HELLS: variants seen among roughly 807,000 people sequenced by gnomAD.
The protein encoded by HELLS is helicase, lymphoid specific.
HELLS carries 32 observed loss-of-function variants against 120.0 expected under a neutral mutation model. That is an observed-to-expected ratio of 0.27 (90% CI 0.20 to 0.36). The LOEUF (loss-of-function observed/expected upper bound fraction) is 0.36. HELLS is among the 10% of genes least tolerant of loss of function. The pLI, the probability that HELLS is intolerant of heterozygous loss-of-function variation, is 1.00. For missense variants in HELLS, 650 were observed against 993.4 expected (o/e 0.65, Z 4.65); for synonymous variants, 341 against 323.4 (o/e 1.05, Z -0.58).
intron 7 of HELLS, among the ~76,000 whole-genome samples, chr10:94,573,192 T>A (rs1844264428): frequency 6.6e-6 from 1 of 152,178 alleles, no homozygotes. Context: ...TCACTTGACC[T>A]CATGATCTGC....
chr10:94,562,480 G>C (rs1471980389), intron 4 of HELLS, among the ~76,000 whole-genome samples: 1 of 152,106 alleles, frequency 6.6e-6, no homozygotes, highest in Non-Finnish European at 1.5e-5. Flanking sequence ...ATGGACAGAA[G>C]TAGAGCCCTT....
chr10:94,597,043 A>G lies in HELLS; in HGVS notation c.2354A>G (p.Lys785Arg). ...LKSRDYEREI[K>R]GSREKVISDK... ...TATTTTGTTTTCTATAGGGAAATAA[A>G]AGGATCAAGAGAGAAGGTCATTAGT... is the stretch of plus-strand genomic sequence containing the variant. Residue 785 changes from lysine to arginine, a missense_variant, in exon 21 of 22, where the codon AAA (lysine) becomes AGA (arginine). Lys to Arg is a conservative substitution (Grantham distance 26). Coordinates refer to ENST00000348459, the MANE Select transcript of HELLS (RefSeq NM_018063.5). 2 of 1,583,572 alleles carry G rather than the reference A, an allele frequency of 1.3e-6. No homozygotes were observed. Among genetic ancestry groups the G allele is most frequent in the Middle Eastern group, 1.7e-4 (1 of 5,986 alleles).
rs768738765 is a variant in HELLS at position 94,554,139 on chromosome 10, G to C, written c.167G>C (p.Trp56Ser). 3.2e-6 allele frequency: 5 copies of C among 1,576,836 alleles called. No homozygotes were observed. The highest frequency in any genetic ancestry group is 1.2e-5 in the South Asian group (1 of 82,700). ...RKMLEKARMS[W>S]DRESTEIRYR... ...CTCTTTGGATAGGCTCGCATGTCTT[G>C]GGATAGAGAGTCGACAGAAATTCGG... The change falls in exon 3 of 22, where the codon TGG becomes TCG. Residue 56 changes from tryptophan (W) to serine (S), a missense_variant. Coordinates refer to ENST00000348459, the MANE Select transcript of HELLS (RefSeq NM_018063.5).
intron 4 of HELLS, among the ~76,000 whole-genome samples, chr10:94,561,447 A>T (rs527705048): frequency 1.3e-5 from 2 of 151,564 alleles, no homozygotes; most frequent in Non-Finnish European, 2.9e-5. Context: ...TGCTTTTTTC[A>T]TAAGGGCGTC....
chr10:94,611,880 G>A (rs1224208528), exon 10 of HELLS: 3 of 152,132 alleles, frequency 2.0e-5, no homozygotes, highest in Non-Finnish European at 4.4e-5. Context: ...GTCCCAACTT[G>A]GGTAAGGCAA....
downstream of HELLS, among the ~76,000 whole-genome samples, chr10:94,604,895 C>T (rs546161159): frequency 2.0e-5 from 3 of 152,150 alleles, no homozygotes; most frequent in South Asian, 6.2e-4. Flanking sequence ...AAACAGATCT[C>T]ATGATTCAGT....
At chr10:94,599,991 T>C (rs994413577) in intron 21 of HELLS, among the ~76,000 whole-genome samples, 8 of 152,162 alleles carry the variant, frequency 5.3e-5, no homozygotes, top group African/African-American at 1.9e-4. Flanking sequence ...TTTCTTCTAA[T>C]TAAAATCCCA....
chr10:94,607,269 A>T (rs113499750), intron 8 of HELLS, among the ~76,000 whole-genome samples: 1 of 151,906 alleles, frequency 6.6e-6, no homozygotes, highest in Non-Finnish European at 1.5e-5. Flanking sequence ...TCTAACACTG[A>T]TACTTTCATT....
intron 12 of HELLS, among the ~76,000 whole-genome samples, chr10:94,585,320 CCTTT>C (rs1426323592): frequency 6.7e-6 from 1 of 149,508 alleles, no homozygotes; most frequent in African/African-American, 2.5e-5. Context: ...TTCTGCACTT[CCTTT>C]CTTATCTCCA....
chr10:94,598,320 G>A (rs1348050078), intron 21 of HELLS, among the ~76,000 whole-genome samples: 1 of 152,134 alleles, frequency 6.6e-6, no homozygotes, highest in African/African-American at 2.4e-5. Flanking sequence ...ACAAAAAAGG[G>A]TCTTGCTTTG....
chr10:94,583,336 T>A (rs1258215715), intron 12 of HELLS, among the ~76,000 whole-genome samples: 1 of 152,178 alleles, frequency 6.6e-6, no homozygotes, highest in Non-Finnish European at 1.5e-5. Flanking sequence ...AGTATGTGGT[T>A]TTTATGGAAT....
At chr10:94,604,267 AGT>A (rs1382244389), downstream of HELLS, among the ~76,000 whole-genome samples, 3 of 150,762 alleles carry the variant, frequency 2.0e-5, no homozygotes, top group East Asian at 5.9e-4. Flanking sequence ...TGGGACTAGA[AGT>A]GTGCGCCACC....
chr10:94,553,941 A>G (rs1269012495), intron 2 of HELLS, among the ~76,000 whole-genome samples, 185 bp from the exon 3 acceptor site: 1 of 152,130 alleles, frequency 6.6e-6, no homozygotes, highest in Non-Finnish European at 1.5e-5. Context: ...TACGAATTGC[A>G]TCTATCAGAT....
In HELLS at chr10:94,588,339, T is replaced by C. The variant is rs752305669; in HGVS notation, c.1437T>C (p.Phe479=). The C allele has an allele frequency of 6.2e-7, 1 of 1,612,984 alleles. No homozygotes were observed. The highest frequency in any genetic ancestry group is 8.5e-7 in the Non-Finnish European group (1 of 1,179,422). ...YAPLSKKQEI[F]YTAIVNRTIA... ...CACTTTCAAAGAAGCAGGAGATCTT[T>C]TATACAGCCATTGTGAACCGTACAA... The change falls in exon 13 of 22, where the codon TTT becomes TTC. Residue 479 remains phenylalanine (F), a synonymous_variant. Transcript: ENST00000348459.
chr10:94,545,992 C>G (rs1287592260), intron 1 of HELLS, 40 bp downstream of exon 1: 1 of 1,551,568 alleles, frequency 6.4e-7, no homozygotes, highest in Non-Finnish European at 8.7e-7. Context: ...TGGCAGCCTG[C>G]GGGGCTGAGG....
At chr10:94,558,837 G>C (rs1215420961) in intron 4 of HELLS, among the ~76,000 whole-genome samples, 5 of 152,124 alleles carry the variant, frequency 3.3e-5, no homozygotes, top group Admixed American at 1.3e-4. Flanking sequence ...TCCTGACCTT[G>C]TGATCTGCCC....
chr10:94,601,566 G>A lies in HELLS; in HGVS notation c.2461G>A (p.Gly821Arg), dbSNP rs1397683557. ...NASGPIKEKM[G>R]IFKILENSED... ...TTCAGGACCAATTAAAGAGAAGATG[G>A]GGATATTCAAGATATTAGAAAATTC... is the stretch of plus-strand genomic sequence containing the variant. The change falls in exon 22 of 22, where the codon GGG becomes AGG. Residue 821 changes from glycine (G) to arginine (R), a missense_variant. Coordinates refer to ENST00000348459, the MANE Select transcript of HELLS (RefSeq NM_018063.5). 1 of 1,586,094 alleles carries A rather than the reference G, an allele frequency of 6.3e-7. No individual in the cohort carries two copies. The highest frequency in any genetic ancestry group is 1.7e-5 in the Admixed American group (1 of 57,992).
At chr10:94,573,934 T>C (rs943412577) in intron 7 of HELLS, 26 bp from the exon 8 acceptor site, 1 of 1,366,300 alleles carries the variant, frequency 7.3e-7, no homozygotes, top group East Asian at 2.3e-5. Flanking sequence ...GTATAACACA[T>C]CTTATTAAAC....
At chr10:94,602,658 T>C (rs1846076235), downstream of HELLS, among the ~76,000 whole-genome samples, 1 of 152,214 alleles carries the variant, frequency 6.6e-6, no homozygotes, top group East Asian at 1.9e-4. Flanking sequence ...AAAAACTTAA[T>C]TTTTTTTCCC....
Sources: allele counts gnomAD v4.1 joint callset (sites outside exome capture counted in the v4.1 genomes callset), GRCh38; gene constraint gnomAD v4.1.1; transcripts MANE v1.5; gene names NCBI Gene and HGNC (gene_info 2026-07-23, HGNC 2026-07-21).